POU1F1: variants seen among roughly 807,000 people sequenced by gnomAD.
The protein encoded by POU1F1 is POU class 1 homeobox 1.
POU1F1 carries 23 observed loss-of-function variants against 32.3 expected under a neutral mutation model. The observed-to-expected ratio is 0.71, with a 90% CI of 0.51 to 1.01. The LOEUF is 1.01. POU1F1 is among the 50% of genes least tolerant of loss of function. The pLI is 0.00. For synonymous variants in POU1F1, 120 were observed against 115.6 expected (o/e 1.04, Z -0.25); for missense variants, 323 against 341.6 (o/e 0.95, Z 0.43).
intron 2 of POU1F1, among the ~76,000 whole-genome samples, chr3:87,267,867 G>C (rs374127785): frequency 2.0e-5 from 3 of 151,944 alleles, no homozygotes; most frequent in African/African-American, 7.3e-5. Context: ...ACAGCTTCCT[G>C]TAGTGCTAGA....
chr3:87,260,161 C>T, intron 5 of POU1F1, 57 bp from the exon 6 acceptor site: 2 of 1,421,916 alleles, frequency 1.4e-6, no homozygotes, highest in Non-Finnish European at 2.0e-6. Context: ...AAGTTTTTGG[C>T]AGCTCAAAAT....
intron 2 of POU1F1, 37 bp from the exon 3 acceptor site, chr3:87,264,549 T>C (rs1706581039): frequency 6.8e-7 from 1 of 1,461,902 alleles, no homozygotes; most frequent in Admixed American, 1.7e-5. Context: ...AAAAAGACCA[T>C]TTGTCATTCT....
intron 3 of POU1F1, among the ~76,000 whole-genome samples, chr3:87,262,605 T>A (rs558303144): frequency 6.6e-6 from 1 of 152,046 alleles, no homozygotes; most frequent in South Asian, 2.1e-4. Flanking sequence ...CTCAAAAAAT[T>A]TTAATATATT....
At chr3:87,268,451 A>C (rs1706667930) in intron 2 of POU1F1, among the ~76,000 whole-genome samples, 2 of 152,144 alleles carry the variant, frequency 1.3e-5, no homozygotes, top group African/African-American at 4.8e-5. Context: ...ATTATCTGCA[A>C]GGTCACAGAT....
intron 2 of POU1F1, among the ~76,000 whole-genome samples, chr3:87,267,094 T>C (rs1440198934): frequency 6.6e-6 from 1 of 152,142 alleles, no homozygotes; most frequent in East Asian, 1.9e-4. Flanking sequence ...AATTTGTGTG[T>C]TTTTTACTTA....
Position 87,276,580 on chromosome 3 carries a change from G to A in POU1F1, c.-118C>T. 1 of 1,217,234 alleles carries A rather than the reference G, an allele frequency of 8.2e-7. No individual in the cohort carries two copies. 75.4% of individuals were successfully genotyped at this position (1,217,234 alleles called of 1,614,324 possible). On this transcript the variant is annotated 5_prime_UTR_variant, in exon 1 of 6. Coordinates refer to ENST00000350375, the MANE Select transcript of POU1F1 (RefSeq NM_000306.4). The stretch of plus-strand genomic sequence containing the variant: ...CTACCTGCATATATACATCAGGAAG[G>A]CTCTGAGGCACCAGGAGGGTGCGCG...
rs74687562 is a variant in POU1F1, at chr3:87,263,473, T to C, written c.439+815A>G. On this transcript the variant is annotated intron_variant, in intron 3 of 5. Transcript: ENST00000350375. ...AATAGATTTTAAAAACTCATGCCGT[T>C]TTGGAGTTTATATAGCCTGAGGATG... Among the ~76,000 whole-genome samples, 3 of 152,198 alleles carry C rather than the reference T, an allele frequency of 2.0e-5. No individual in the cohort carries two copies. In the East Asian group the frequency reaches 5.8e-4, roughly 29 times the overall value.
chr3:87,275,439 G>C (rs1381936145), intron 1 of POU1F1, among the ~76,000 whole-genome samples: 1 of 152,000 alleles, frequency 6.6e-6, no homozygotes, highest in Non-Finnish European at 1.5e-5. Context: ...ATTTCTAAAT[G>C]TATATAATTT....
At chr3:87,269,940 A>G (rs1706695443) in intron 2 of POU1F1, among the ~76,000 whole-genome samples, 1 of 151,914 alleles carries the variant, frequency 6.6e-6, no homozygotes, top group Non-Finnish European at 1.5e-5. Flanking sequence ...GAAAGGGTGA[A>G]CCCCCATTGA....
At position 87,276,327 on chromosome 3, in the gene POU1F1, A is replaced by G. The variant is rs1238436789; in HGVS notation, c.136T>C (p.Ser46Pro). The G allele has an allele frequency of 6.2e-7, 1 of 1,613,950 alleles. No homozygotes were observed. Among genetic ancestry groups the G allele is most frequent in the South Asian group, 1.1e-5 (1 of 91,076 alleles). ...CTGTCATAGGAGTCAGTACCTGTAGACATCACATTGGTGGCATGGTTGGAG... is the reference window on the plus strand; with the variant it reads ...CTGTCATAGGAGTCAGTACCTGTAGGCATCACATTGGTGGCATGGTTGGAG... The part of the protein sequence containing the change: ...PVSNHATNVM[S>P]TATGLHYSVP... The change falls in exon 1 of 6, where the codon TCT becomes CCT. Residue 46 changes from serine to proline, a missense_variant. Transcript: ENST00000350375.
At chr3:87,269,602 G>C (rs1706687731) in intron 2 of POU1F1, among the ~76,000 whole-genome samples, 1 of 151,982 alleles carries the variant, frequency 6.6e-6, no homozygotes, top group African/African-American at 2.4e-5. Flanking sequence ...AAATAGACTA[G>C]ACTATTTCTC....
At chr3:87,270,278 A>C (rs369723014) in intron 2 of POU1F1, among the ~76,000 whole-genome samples, 1 of 152,194 alleles carries the variant, frequency 6.6e-6, no homozygotes, top group East Asian at 1.9e-4. Context: ...AGTACCCACC[A>C]CAACGTAGAT....
chr3:87,260,724 T>C lies in POU1F1; in HGVS notation c.665+549A>G, dbSNP rs374998729. 3.3e-5 allele frequency among the ~76,000 whole-genome samples: 5 copies of C among 152,256 alleles called. No individual in the cohort carries two copies. In the East Asian group the frequency reaches 9.6e-4, roughly 29 times the overall value. On this transcript the variant is annotated intron_variant, in intron 5 of 5. Transcript: ENST00000350375. ...AGGGGAGAAGATATGGCCAGTCTCT[T>C]AGAAATGATTGTTTTCTTTCTGTTT...
intron 1 of POU1F1, among the ~76,000 whole-genome samples, chr3:87,275,496 A>G (rs1706810089): frequency 6.6e-6 from 1 of 152,088 alleles, no homozygotes; most frequent in African/African-American, 2.4e-5. Context: ...GTGGAAAGTG[A>G]ATATTATATT....
chr3:87,273,663 A>G (rs937893983), intron 1 of POU1F1, among the ~76,000 whole-genome samples: 2 of 152,198 alleles, frequency 1.3e-5, no homozygotes, highest in Non-Finnish European at 2.9e-5. Context: ...ATGTAACGAG[A>G]TAATAAATCA....
At chr3:87,275,892 A>G (rs1352060527) in intron 1 of POU1F1, among the ~76,000 whole-genome samples, 1 of 152,136 alleles carries the variant, frequency 6.6e-6, no homozygotes, top group Non-Finnish European at 1.5e-5. Context: ...TATAAGGTTT[A>G]TAGCTGTTTT....
chr3:87,268,603 A>T (rs1390844739), intron 2 of POU1F1, among the ~76,000 whole-genome samples: 5 of 152,168 alleles, frequency 3.3e-5, no homozygotes, highest in Non-Finnish European at 5.9e-5. Flanking sequence ...TATGTTTTTC[A>T]AATCTTTTTA....
intron 2 of POU1F1, 130 bp from the exon 3 acceptor site, chr3:87,264,642 T>G: frequency 2.8e-6 from 2 of 719,158 alleles, no homozygotes; most frequent in Non-Finnish European, 4.8e-6. Flanking sequence ...CAAGGTTACC[T>G]TACATTCAGT....
chr3:87,265,397 A>C (rs1352305012), intron 2 of POU1F1, among the ~76,000 whole-genome samples: 1 of 152,112 alleles, frequency 6.6e-6, no homozygotes, highest in Non-Finnish European at 1.5e-5. Flanking sequence ...AAATTATTAC[A>C]CAATTGCTTC....
Sources: gnomAD v4.1 joint callset for allele counts (sites outside exome capture counted in the v4.1 genomes callset) on GRCh38, gnomAD v4.1.1 for gene constraint, MANE v1.5 for transcripts, NCBI Gene and HGNC (gene_info 2026-07-23, HGNC 2026-07-21) for gene names.